The following ANXA6 variants were observed in gnomAD, a reference collection of about 807,000 sequenced individuals.
ANXA6 encodes the protein annexin A6, also known as 67 kDa calelectrin.
In ANXA6, 71 loss-of-function variants were observed where a neutral mutation model predicts 95.4. The ratio of observed to expected loss-of-function variants is 0.74; its 90% CI spans 0.61 to 0.91. The LOEUF (loss-of-function observed/expected upper bound fraction) is 0.91, where lower values mean the gene tolerates loss of function less well. Among genes scored for constraint, ANXA6 ranks in the 40% least tolerant of loss-of-function variants. The pLI, the probability that ANXA6 is intolerant of heterozygous loss-of-function variation, is 0.00. For synonymous variants in ANXA6, 289 were observed against 315.9 expected (o/e 0.91, Z 0.90); for missense variants, 830 against 876.4 (o/e 0.95, Z 0.67).
intron 13 of ANXA6, 63 bp from the exon 14 acceptor site, chr5:151,126,543 A>AACACACACACAC (rs3079845): frequency 3.1e-5 from 26 of 829,786 alleles, no homozygotes; most frequent in South Asian, 2.6e-4. Flanking sequence ...CACTCACACC[A>AACACACACACAC]ACACACACAC....
At chr5:151,150,142 A>T (rs1194333444) in intron 1 of ANXA6, among the ~76,000 whole-genome samples, 2 of 151,950 alleles carry the variant, frequency 1.3e-5, no homozygotes, top group Non-Finnish European at 2.9e-5. Context: ...AAGTAAACAT[A>T]ACAAAGTCAA....
intron 23 of ANXA6, 100 bp from the exon 24 acceptor site, chr5:151,105,403 A>T (rs371870585): frequency 9.9e-7 from 1 of 1,012,160 alleles, no homozygotes. Flanking sequence ...CTATCCCTGC[A>T]TGGGTCTGCA....
At chr5:151,109,025 G>T (rs1457680828) in intron 22 of ANXA6, among the ~76,000 whole-genome samples, 1 of 152,088 alleles carries the variant, frequency 6.6e-6, no homozygotes, top group Admixed American at 6.6e-5. Flanking sequence ...TATGTTTTTT[G>T]TATCTTCACA....
intron 6 of ANXA6, 65 bp from the exon 7 acceptor site, chr5:151,136,400 C>G (rs1765664174): frequency 1.4e-6 from 2 of 1,444,636 alleles, no homozygotes; most frequent in Admixed American, 1.9e-5. Context: ...GATAAAGGGC[C>G]CTGCTGCCCC....
chr5:151,155,007 A>G (rs189447242), intron 1 of ANXA6: 63 of 152,162 alleles, frequency 4.1e-4, no homozygotes, highest in African/African-American at 1.3e-3. Context: ...CACCTCCCTC[A>G]TAGGAGTTAT....
chr5:151,137,635 C>T (rs1381198771), intron 5 of ANXA6, among the ~76,000 whole-genome samples: 3 of 152,284 alleles, frequency 2.0e-5, no homozygotes, highest in Non-Finnish European at 2.9e-5. Flanking sequence ...ACTGTTCTCA[C>T]GATCGTAAGT....
intron 2 of ANXA6, chr5:151,141,410 G>A: frequency 7.5e-6 from 5 of 667,502 alleles, no homozygotes; most frequent in Non-Finnish European, 9.3e-6. Flanking sequence ...TATAAAGCTT[G>A]TAGTAAATAC....
Position 151,119,306 on chromosome 5 carries a change from T to C in ANXA6, c.1432A>G (p.Lys478Glu), listed in dbSNP as rs755775558. 6.2e-7 allele frequency: 1 copy of C among 1,613,022 alleles called. No individual in the cohort carries two copies. Among genetic ancestry groups the C allele is most frequent in the South Asian group, 1.1e-5 (1 of 91,038 alleles). ...CCAGGCCTCCCAAACTCACCCTCCT[T>C]ATAGGCCTCATTGATGGCCCGGATT... ...AEIRAINEAY[K>E]EDYHKSLEDA... The change falls in exon 18 of 26, where the codon AAG (lysine) becomes GAG (glutamate). Residue 478 changes from lysine to glutamate, a missense_variant. Coordinates refer to ENST00000354546, the MANE Select transcript of ANXA6 (RefSeq NM_001155.5).
chr5:151,138,479 G>A (rs1405582969), intron 5 of ANXA6, among the ~76,000 whole-genome samples, 199 bp downstream of exon 5: 1 of 152,154 alleles, frequency 6.6e-6, no homozygotes, highest in Non-Finnish European at 1.5e-5. Context: ...TGGTAAGGGG[G>A]TCTGCATCAT....
At chr5:151,102,266 C>T (rs1290931490) in intron 25 of ANXA6, among the ~76,000 whole-genome samples, 8 of 152,000 alleles carry the variant, frequency 5.3e-5, no homozygotes, top group Admixed American at 5.2e-4. Context: ...CAAAATGTGC[C>T]AACAATTTAC....
At chr5:151,122,090 T>C in intron 17 of ANXA6, 57 bp downstream of exon 17, 7 of 1,103,850 alleles carry the variant, frequency 6.3e-6, no homozygotes, top group African/African-American at 1.6e-5. Context: ...CTTATGAGGA[T>C]CACCTGTATC....
chr5:151,154,294 A>AATAT (rs1766178413), intron 1 of ANXA6, among the ~76,000 whole-genome samples: 1 of 82,400 alleles, frequency 1.2e-5, no homozygotes, highest in Non-Finnish European at 2.2e-5. Context: ...GGCAGTTTGC[A>AATAT]GTATATATAT....
At chr5:151,128,159 C>CA in intron 13 of ANXA6, 22 bp downstream of exon 13, 3 of 1,607,632 alleles carry the variant, frequency 1.9e-6, no homozygotes, top group East Asian at 2.2e-5. Context: ...GCCCTCCAGC[C>CA]AGGGGCCAAG....
intron 12 of ANXA6, 183 bp from the exon 13 acceptor site, chr5:151,128,422 G>A (rs910720292): frequency 1.7e-6 from 1 of 583,818 alleles, no homozygotes; most frequent in Non-Finnish European, 3.1e-6. Flanking sequence ...GTTGGAGGAA[G>A]CCCTAATTTA....
At chr5:151,153,296 A>T (rs1019762290) in intron 1 of ANXA6, among the ~76,000 whole-genome samples, 2 of 152,222 alleles carry the variant, frequency 1.3e-5, no homozygotes, top group Non-Finnish European at 2.9e-5. Context: ...CAAAACTACC[A>T]AAGATTTAAG....
intron 3 of ANXA6, among the ~76,000 whole-genome samples, chr5:151,139,738 T>C (rs1166981921): frequency 6.6e-6 from 1 of 152,152 alleles, no homozygotes; most frequent in Non-Finnish European, 1.5e-5. Context: ...GTCCAAGGTC[T>C]CACAATGAAC....
intron 4 of ANXA6, 91 bp downstream of exon 4, chr5:151,139,261 GC>G (rs946113831): frequency 1.1e-6 from 1 of 905,688 alleles, no homozygotes; most frequent in African/African-American, 1.7e-5. Context: ...AACCTGGAGT[GC>G]CATATCCAGG....
intron 1 of ANXA6, among the ~76,000 whole-genome samples, chr5:151,152,058 C>T (rs1304195003): frequency 2.0e-5 from 3 of 152,222 alleles, no homozygotes; most frequent in Non-Finnish European, 4.4e-5. Flanking sequence ...GAAGGAACGG[C>T]TCACCACTGC....
chr5:151,136,392 T>A (rs1765664003), intron 6 of ANXA6, 57 bp from the exon 7 acceptor site: 2 of 1,521,082 alleles, frequency 1.3e-6, no homozygotes, highest in Admixed American at 1.7e-5. Flanking sequence ...GGATCTAGGA[T>A]AAAGGGCCCT....
Sources: gnomAD v4.1 joint callset for allele counts (sites outside exome capture counted in the v4.1 genomes callset) on GRCh38, gnomAD v4.1.1 for gene constraint, MANE v1.5 for transcripts, NCBI Gene and HGNC (gene_info 2026-07-23, HGNC 2026-07-21) for gene names.